Variants in SNX29 observed in about 807,000 individuals in gnomAD.
SNX29 encodes sorting nexin 29, also known as sorting nexin-29.
Under a neutral mutation model 102.1 loss-of-function variants are expected in SNX29, and 78 were observed. The observed-to-expected ratio is 0.76, with a 90% CI of 0.64 to 0.92. The LOEUF is 0.92. SNX29 is among the 40% of genes least tolerant of loss of function. The probability of loss-of-function intolerance (pLI) is 0.00; values close to 1 mark genes in which losing one functional copy is unlikely to be tolerated. For synonymous variants in SNX29, 580 were observed against 414.5 expected (o/e 1.40, Z -4.85); for missense variants, 1,280 against 1,061.7 (o/e 1.21, Z -2.86).
At chr16:11,997,544 C>G (rs992255110) in intron 1 of SNX29, among the ~76,000 whole-genome samples, 1 of 151,574 alleles carries the variant, frequency 6.6e-6, no homozygotes, top group Admixed American at 6.6e-5. Context: ...GTGGCACGAT[C>G]TCAGCTCACT....
chr16:12,122,972 G>A (rs1251496980), intron 11 of SNX29, among the ~76,000 whole-genome samples: 2 of 151,840 alleles, frequency 1.3e-5, no homozygotes, highest in South Asian at 2.1e-4. Context: ...AATTAGAGGC[G>A]CCTGCCACCA....
chr16:12,348,512 C>T (rs1427891067), intron 15 of SNX29, among the ~76,000 whole-genome samples: 1 of 152,126 alleles, frequency 6.6e-6, no homozygotes, highest in Non-Finnish European at 1.5e-5. Context: ...TTCACTGTGG[C>T]GTTGACAGCG....
intron 19 of SNX29, among the ~76,000 whole-genome samples, chr16:12,521,035 A>G (rs935779545): frequency 6.6e-6 from 1 of 152,042 alleles, no homozygotes. Flanking sequence ...AAAATTAGCC[A>G]GACATGGCTG....
chr16:12,134,058 A>G (rs1041865855), intron 13 of SNX29, among the ~76,000 whole-genome samples: 8 of 152,222 alleles, frequency 5.3e-5, no homozygotes, highest in African/African-American at 1.2e-4. Context: ...ATCATTTGCA[A>G]TTAAGGCTCT....
At chr16:12,156,106 C>T (rs761889899) in intron 13 of SNX29, among the ~76,000 whole-genome samples, 10 of 152,254 alleles carry the variant, frequency 6.6e-5, no homozygotes, top group Admixed American at 2.6e-4. Flanking sequence ...TTGGCTCTAA[C>T]GTTTCTCTCT....
chr16:12,247,578 C>T (rs1352218310), intron 14 of SNX29, among the ~76,000 whole-genome samples: 1 of 152,118 alleles, frequency 6.6e-6, no homozygotes, highest in Non-Finnish European at 1.5e-5. Flanking sequence ...AGAGTTTCTT[C>T]CTGGAGAGCC....
intron 14 of SNX29, among the ~76,000 whole-genome samples, chr16:12,221,177 T>A (rs1315431058): frequency 3.3e-5 from 5 of 152,062 alleles, no homozygotes; most frequent in Non-Finnish European, 1.5e-5. Context: ...CTCTGGTACT[T>A]CTGAAGAATG....
At chr16:12,137,668 A>G (rs530720920) in intron 13 of SNX29, among the ~76,000 whole-genome samples, 2 of 152,336 alleles carry the variant, frequency 1.3e-5, no homozygotes, top group African/African-American at 2.4e-5. Flanking sequence ...TTGCTTTTAA[A>G]TCATTGGAGA....
chr16:12,418,372 A>AT (rs34752243), intron 18 of SNX29, among the ~76,000 whole-genome samples: 65,432 of 149,864 alleles, frequency 0.44, 14,733 homozygotes, highest in East Asian at 0.57. Context: ...GATTGTATTT[A>AT]TTTTTTTTTT....
chr16:12,567,489 T>G (rs187180135), intron 20 of SNX29, among the ~76,000 whole-genome samples: 7 of 152,268 alleles, frequency 4.6e-5, no homozygotes, highest in African/African-American at 1.7e-4. Flanking sequence ...ACTTTACAGA[T>G]GTGATTAAGG....
chr16:12,146,791 A>C (rs1024088148), intron 13 of SNX29, among the ~76,000 whole-genome samples: 1 of 152,218 alleles, frequency 6.6e-6, no homozygotes, highest in African/African-American at 2.4e-5. Flanking sequence ...GGAAATGCCA[A>C]ATGCTTTAAT....
intron 20 of SNX29, among the ~76,000 whole-genome samples, chr16:12,563,973 A>G (rs941140919): frequency 3.4e-5 from 5 of 146,882 alleles, no homozygotes; most frequent in Admixed American, 1.3e-4. Flanking sequence ...GGCTTTTCAG[A>G]TAAGGTTCCC....
intron 14 of SNX29, among the ~76,000 whole-genome samples, chr16:12,261,626 G>C (rs1280772863): frequency 7.3e-6 from 1 of 136,152 alleles, no homozygotes; most frequent in Admixed American, 7.5e-5. Flanking sequence ...CTGTGCATGC[G>C]TCCCCGGCTG....
At chr16:12,492,211 T>C (rs2088585729) in intron 19 of SNX29, among the ~76,000 whole-genome samples, 1 of 152,244 alleles carries the variant, frequency 6.6e-6, no homozygotes, top group Admixed American at 6.5e-5. Context: ...GACTTTTTAA[T>C]GATCGCCATT....
At chr16:12,403,596 T>G in intron 18 of SNX29, 67 bp downstream of exon 18, 1 of 1,466,338 alleles carries the variant, frequency 6.8e-7, no homozygotes, top group South Asian at 1.2e-5. Context: ...CATGCTGTGG[T>G]GCTTTTTGCC....
intron 13 of SNX29, among the ~76,000 whole-genome samples, chr16:12,181,758 G>T (rs960451640): frequency 1.3e-5 from 2 of 151,536 alleles, no homozygotes; most frequent in Admixed American, 1.3e-4. Flanking sequence ...GCTTGCCTCT[G>T]TGTTCTACGC....
At chr16:12,328,387 T>G (rs1321594863) in intron 15 of SNX29, among the ~76,000 whole-genome samples, 1 of 152,224 alleles carries the variant, frequency 6.6e-6, no homozygotes. Context: ...AAAATTCTTC[T>G]ACAAGCCAAA....
intron 14 of SNX29, among the ~76,000 whole-genome samples, chr16:12,228,496 C>T (rs572857599): frequency 6.6e-6 from 1 of 152,366 alleles, no homozygotes; most frequent in South Asian, 2.1e-4. Context: ...TTACCCCTTT[C>T]TTTACAACAC....
chr16:12,076,955 G>A (rs1361476493), intron 10 of SNX29, among the ~76,000 whole-genome samples: 1 of 152,162 alleles, frequency 6.6e-6, no homozygotes, highest in Non-Finnish European at 1.5e-5. Context: ...CCTTCCAGGG[G>A]GTGGAGTCTT....
Sources: allele counts gnomAD v4.1 joint callset (sites outside exome capture counted in the v4.1 genomes callset), GRCh38; gene constraint gnomAD v4.1.1; transcripts MANE v1.5; gene names NCBI Gene and HGNC (gene_info 2026-07-23, HGNC 2026-07-21).